NTM: variants seen among roughly 807,000 people sequenced by gnomAD.
The protein encoded by NTM is neurotrimin, also known as IgLON family member 2.
NTM carries 13 observed loss-of-function variants against 42.1 expected under a neutral mutation model. The ratio of observed to expected loss-of-function variants is 0.31; its 90% CI spans 0.20 to 0.49. The LOEUF is 0.49. Among genes scored for constraint, NTM ranks in the 20% least tolerant of loss-of-function variants. The pLI is 0.99. For synonymous variants in NTM, 187 were observed against 179.2 expected (o/e 1.04, Z -0.35); for missense variants, 373 against 452.8 (o/e 0.82, Z 1.60).
chr11:131,737,597 T>C (rs1300706235), intron 1 of NTM, among the ~76,000 whole-genome samples: 2 of 152,192 alleles, frequency 1.3e-5, no homozygotes, highest in African/African-American at 4.8e-5. Context: ...TCCCTGTTTC[T>C]GGGGGAAGAT....
chr11:132,027,563 T>G (rs1396957826), intron 2 of NTM, among the ~76,000 whole-genome samples: 3 of 152,182 alleles, frequency 2.0e-5, no homozygotes, highest in Non-Finnish European at 4.4e-5. Flanking sequence ...AATATTTCAC[T>G]CGACGCTCCT....
At chr11:131,581,401 G>A (rs1159869947) in intron 1 of NTM, among the ~76,000 whole-genome samples, 1 of 152,214 alleles carries the variant, frequency 6.6e-6, no homozygotes, top group Non-Finnish European at 1.5e-5. Flanking sequence ...GTCAGATGAC[G>A]AAATTACAAC....
chr11:131,586,651 C>A (rs1177972407), intron 1 of NTM, among the ~76,000 whole-genome samples: 2 of 152,100 alleles, frequency 1.3e-5, no homozygotes, highest in Admixed American at 6.5e-5. Context: ...ATTTTTGACC[C>A]CAGAAACTGT....
intron 1 of NTM, among the ~76,000 whole-genome samples, chr11:131,709,344 T>A (rs2076889993): frequency 6.6e-6 from 1 of 152,134 alleles, no homozygotes; most frequent in East Asian, 1.9e-4. Flanking sequence ...GCACTGGTGT[T>A]TTTAGGCTCC....
intron 2 of NTM, among the ~76,000 whole-genome samples, chr11:131,937,538 C>G (rs754889995): frequency 6.6e-6 from 1 of 152,136 alleles, no homozygotes; most frequent in Non-Finnish European, 1.5e-5. Flanking sequence ...TGGACAATTT[C>G]TTGGTCAGAG....
chr11:132,125,552 T>C (rs2065594711), intron 2 of NTM, among the ~76,000 whole-genome samples: 1 of 141,274 alleles, frequency 7.1e-6, no homozygotes, highest in Non-Finnish European at 1.6e-5. Context: ...ATGTGATGTA[T>C]GTGGTGTGTG....
intron 2 of NTM, among the ~76,000 whole-genome samples, chr11:131,978,412 C>T (rs764633163): frequency 3.9e-5 from 6 of 152,130 alleles, no homozygotes; most frequent in Non-Finnish European, 8.8e-5. Flanking sequence ...GGTCAGAGCA[C>T]CTATTCTTTT....
intron 2 of NTM, among the ~76,000 whole-genome samples, chr11:131,974,188 A>C (rs1398664011): frequency 6.6e-6 from 1 of 152,214 alleles, no homozygotes; most frequent in East Asian, 1.9e-4. Context: ...GCTGTTAGTC[A>C]TTAATTTTGT....
At chr11:131,536,467 A>G (rs1179637841) in intron 1 of NTM, 3 of 152,214 alleles carry the variant, frequency 2.0e-5, no homozygotes. Flanking sequence ...GTAAACATGT[A>G]ATTACATAGA....
intron 1 of NTM, among the ~76,000 whole-genome samples, chr11:131,845,622 A>C (rs1000882558): frequency 6.6e-6 from 1 of 151,760 alleles, no homozygotes; most frequent in Admixed American, 6.6e-5. Context: ...CACATTATCT[A>C]GTATATCTAA....
At chr11:132,025,178 A>G (rs2074998268) in intron 2 of NTM, among the ~76,000 whole-genome samples, 1 of 152,158 alleles carries the variant, frequency 6.6e-6, no homozygotes, top group Admixed American at 6.5e-5. Flanking sequence ...GTCCAGGCCT[A>G]GGACTGGCCT....
intron 3 of NTM, among the ~76,000 whole-genome samples, chr11:132,200,788 G>T (rs1437804164): frequency 6.6e-6 from 1 of 152,184 alleles, no homozygotes; most frequent in Non-Finnish European, 1.5e-5. Context: ...TGACCTGAGT[G>T]AGGCAGCCTA....
intron 1 of NTM, among the ~76,000 whole-genome samples, chr11:131,798,641 T>C (rs6590598): frequency 0.14 from 21,279 of 152,250 alleles, 1,524 homozygotes; most frequent in East Asian, 0.26. Flanking sequence ...ATTTAAGACC[T>C]ATTGATTTGT....
At chr11:131,524,812 C>A (rs11821218) in intron 1 of NTM, among the ~76,000 whole-genome samples, 3,549 of 152,196 alleles carry the variant, frequency 0.023, 139 homozygotes, top group African/African-American at 0.078. Flanking sequence ...CAGTGGCGGC[C>A]GGGACCAGCC....
chr11:131,407,486 C>A (rs188059756), intron 1 of NTM, among the ~76,000 whole-genome samples: 1 of 152,252 alleles, frequency 6.6e-6, no homozygotes, highest in African/African-American at 2.4e-5. Flanking sequence ...GTGGGACATG[C>A]AGAACATATG....
intron 1 of NTM, among the ~76,000 whole-genome samples, chr11:131,693,069 C>T (rs577545994): frequency 6.6e-6 from 1 of 151,666 alleles, no homozygotes; most frequent in African/African-American, 2.4e-5. Flanking sequence ...GGCAGGCCTG[C>T]AGATGGGTGG....
rs148874904 is a variant in NTM at position 131,402,546 on chromosome 11, A to G, written c.82+31658A>G. 5.1e-3 allele frequency among the ~76,000 whole-genome samples: 775 copies of G among 152,260 alleles called. 5 individuals are homozygous for G. Among genetic ancestry groups the G allele is most frequent in the Non-Finnish European group, 8.9e-3 (606 of 68,004 alleles). On this transcript the variant is annotated intron_variant, in intron 1 of 8. Coordinates refer to ENST00000683400, the MANE Select transcript of NTM (RefSeq NM_001352005.2). ...AAGATGGACCACATTAATGGGGCCTATAGGAAAACAGCACAAGCCAACCAA... is the reference window on the plus strand; with the variant it reads ...AAGATGGACCACATTAATGGGGCCTGTAGGAAAACAGCACAAGCCAACCAA...
intron 1 of NTM, among the ~76,000 whole-genome samples, chr11:131,692,534 TGA>T (rs919430061): frequency 6.8e-6 from 1 of 146,946 alleles, no homozygotes; most frequent in African/African-American, 2.7e-5. Flanking sequence ...TTGAAGAAAC[TGA>T]GAGAGAAAGA....
At chr11:132,300,138 T>C (rs2094789881) in intron 4 of NTM, among the ~76,000 whole-genome samples, 1 of 152,120 alleles carries the variant, frequency 6.6e-6, no homozygotes, top group Admixed American at 6.5e-5. Context: ...CTTTGTAAGA[T>C]TTATTATTAT....
Sources: gnomAD v4.1 joint callset for allele counts (sites outside exome capture counted in the v4.1 genomes callset) on GRCh38, gnomAD v4.1.1 for gene constraint, MANE v1.5 for transcripts, NCBI Gene and HGNC (gene_info 2026-07-23, HGNC 2026-07-21) for gene names.